Variants in CRYBG2 observed in about 807,000 individuals in gnomAD.
CRYBG2 encodes beta/gamma crystallin domain-containing protein 2.
In CRYBG2, 106 loss-of-function variants were observed where a neutral mutation model predicts 153.4. The observed-to-expected ratio is 0.69, with a 90% confidence interval of 0.59 to 0.81. The LOEUF is 0.81. Ranked by LOEUF, CRYBG2 falls within the 30% of genes least tolerant of loss-of-function variation. The pLI, the probability that CRYBG2 is intolerant of heterozygous loss-of-function variation, is 0.00. For synonymous variants in CRYBG2, 851 were observed against 877.8 expected, an observed-to-expected ratio of 0.97 and a Z score of 0.54; for missense variants, 1,996 against 2,112.0, an observed-to-expected ratio of 0.95 and a Z score of 1.08.
At position 26,336,517 on chromosome 1, in the gene CRYBG2, C is replaced by T; in HGVS notation, c.4038+89G>A. ...GCCCCAAGCGCCCAGGCAGGTCCTCCAGCCCGCTACCTCTGCGTGGGGGCG... is the reference window on the plus strand; with the variant it reads ...GCCCCAAGCGCCCAGGCAGGTCCTCTAGCCCGCTACCTCTGCGTGGGGGCG... On this transcript the variant is annotated intron_variant, in intron 12 of 19. Transcript: ENST00000308182. The surrounding 1 kb of genome is among the most constrained non-coding windows in gnomAD (Gnocchi z 4.9). 6.5e-7 allele frequency: 1 copy of T among 1,544,928 alleles called. No individual in the cohort carries two copies. The highest frequency in any genetic ancestry group is 8.7e-7 in the Non-Finnish European group (1 of 1,144,102).
At chr1:26,334,501 G>A (rs189984347) in intron 14 of CRYBG2, among the ~76,000 whole-genome samples, 9 of 152,070 alleles carry the variant, frequency 5.9e-5, no homozygotes, top group Non-Finnish European at 1.0e-4. Context: ...TTAAATTAAT[G>A]AACCTAATTG....
rs546331332 is a variant in CRYBG2, at chr1:26,336,878, C to G, written c.3874G>C (p.Gly1292Arg). The stretch of plus-strand genomic sequence containing the variant: ...ACGTGGATGGCCTGTGTGCTGGGGC[C>G]GTGTTGCACCAGCTCCACATCCGGC... ...ALPDVELVQH[G>R]PSTQAIHVLS... Residue 1292 changes from glycine to arginine, a missense_variant, in exon 11 of 20, where the codon GGC becomes CGC. Coordinates refer to ENST00000308182, the MANE Select transcript of CRYBG2 (RefSeq NM_001039775.4). The surrounding 1 kb of genome is among the most constrained non-coding windows in gnomAD (Gnocchi z 4.9). The G allele has an allele frequency of 1.8e-5, 29 of 1,608,320 alleles. No individual in the cohort carries two copies. In the East Asian group the frequency reaches 6.3e-4, roughly 35 times the overall value.
rs1466458303 is a variant in CRYBG2 at position 26,336,789 on chromosome 1, C to T, written c.3911+52G>A. On this transcript the variant is annotated intron_variant, in intron 11 of 19. Transcript: ENST00000308182. The surrounding 1 kb of genome is among the most constrained non-coding windows in gnomAD (Gnocchi z 4.9). ...GACGGAGCCTGCACCTCTCCTGGAA[C>T]CGCCCCCGGCTCGCCCGGGCCCGCC... is the stretch of plus-strand genomic sequence containing the variant. 2.6e-6 allele frequency: 4 copies of T among 1,561,112 alleles called. No homozygotes were observed. In the Admixed American group the frequency reaches 7.7e-5, roughly 30 times the overall value.
chr1:26,352,105 C>T (rs1441474598), intron 1 of CRYBG2, among the ~76,000 whole-genome samples: 1 of 152,020 alleles, frequency 6.6e-6, no homozygotes, highest in African/African-American at 2.4e-5. Context: ...CTGGATTCTC[C>T]CCACTTACCT....
rs920673951 is a variant in CRYBG2 at position 26,337,879 on chromosome 1, G to C, written c.3507+133C>G. The C allele has an allele frequency of 3.0e-6, 4 of 1,331,356 alleles. No homozygotes were observed. In the African/African-American group the frequency reaches 4.4e-5, roughly 15 times the overall value. The allele number at this position is 1,331,356 out of a possible 1,614,324, so 82.5% of individuals were successfully genotyped here. ...AAGCCAGTTCCCAGTGAGCCCATCAGGTCCCATCCCCCCAGACCGTGCTTC... is the reference window on the plus strand; with the variant it reads ...AAGCCAGTTCCCAGTGAGCCCATCACGTCCCATCCCCCCAGACCGTGCTTC... On this transcript the variant is annotated intron_variant, in intron 8 of 19. Transcript: ENST00000308182.
At chr1:26,324,397 T>G in intron 17 of CRYBG2, 87 bp from the exon 18 acceptor site, 1 of 1,398,086 alleles carries the variant, frequency 7.2e-7, no homozygotes, top group Non-Finnish European at 9.5e-7. Context: ...CTCTCCAGTA[T>G]CAGGCTCCCA....
At chr1:26,330,804 G>T (rs2073989381) in intron 15 of CRYBG2, among the ~76,000 whole-genome samples, 1 of 152,094 alleles carries the variant, frequency 6.6e-6, no homozygotes, top group Non-Finnish European at 1.5e-5. Flanking sequence ...CTCTCAAAGT[G>T]CTGGGATTAC....
chr1:26,334,751 C>T (rs1472198601), intron 14 of CRYBG2, among the ~76,000 whole-genome samples: 3 of 151,794 alleles, frequency 2.0e-5, no homozygotes, highest in African/African-American at 4.8e-5. Context: ...CATGAAACCC[C>T]ATCTCTACTA....
At chr1:26,324,058 T>C in intron 18 of CRYBG2, 94 bp downstream of exon 18, 1 of 1,374,450 alleles carries the variant, frequency 7.3e-7, no homozygotes, top group Non-Finnish European at 1.0e-6. Context: ...TCTGTGTGCA[T>C]CCCTCTGTGT....
chr1:26,337,561 C>G lies in CRYBG2; in HGVS notation c.3621G>C (p.Gly1207=), dbSNP rs749657734. The G allele has an allele frequency of 1.9e-6, 3 of 1,612,652 alleles. No individual in the cohort carries two copies. The African/African-American group carries it at 4.0e-5, about 22-fold the overall frequency. Residue 1207 remains glycine (G), a synonymous_variant, in exon 9 of 20, where the codon GGG becomes GGC. Coordinates refer to ENST00000308182, the MANE Select transcript of CRYBG2 (RefSeq NM_001039775.4). ...ACCAGCCTCCGAGAACTCTCAGGGA[C>G]CCCACAGAGGCCAGGTGGGGGCTCT... ...DSQSPHLASV[G]SLRVLGGCWV...
At position 26,343,622 on chromosome 1, in the gene CRYBG2, C is replaced by G; in HGVS notation, c.2913+123G>C. ...TGTGGCTTGCACAGGTCAACTGAACCAGACTTCAGACAGAAGCCTCTGCCC... is the reference window on the plus strand; with the variant it reads ...TGTGGCTTGCACAGGTCAACTGAACGAGACTTCAGACAGAAGCCTCTGCCC... On this transcript the variant is annotated intron_variant, in intron 2 of 19. Coordinates refer to ENST00000308182, the MANE Select transcript of CRYBG2 (RefSeq NM_001039775.4). This position sits in a 1 kb window ranked among gnomAD's most constrained non-coding sequence, Gnocchi z 4.1. 1 of 1,270,174 alleles carries G rather than the reference C, an allele frequency of 7.9e-7. No individual in the cohort carries two copies. The highest frequency in any genetic ancestry group is 2.6e-5 in the East Asian group (1 of 39,114). 78.7% of individuals were successfully genotyped at this position (1,270,174 alleles called of 1,614,324 possible). A position where few individuals can be genotyped will look rare whatever the true frequency, so the allele number is the denominator to read the frequency against.
intron 18 of CRYBG2, among the ~76,000 whole-genome samples, chr1:26,323,086 T>C (rs1435159589): frequency 6.3e-5 from 1 of 15,838 alleles, no homozygotes; most frequent in East Asian, 4.2e-4. Context: ...TCTATTCTCC[T>C]TTTTTTTTTT....
chr1:26,339,634 C>T (rs955403554), intron 5 of CRYBG2, among the ~76,000 whole-genome samples: 20 of 151,882 alleles, frequency 1.3e-4, no homozygotes, highest in South Asian at 2.1e-4. Context: ...TACTCGGGAG[C>T]CTGAGGCAGG....
At chr1:26,340,992 C>T (rs1250988940) in intron 5 of CRYBG2, among the ~76,000 whole-genome samples, 1 of 152,034 alleles carries the variant, frequency 6.6e-6, no homozygotes, top group African/African-American at 2.4e-5. Flanking sequence ...CTCATCATCT[C>T]CTACCAGGAA....
rs2074088812 is a variant in CRYBG2 at position 26,338,420 on chromosome 1, T to A, written c.3402A>T (p.Gly1134=). ...CCCAGGCCTCTGAGGTGGGGTACTCTCCAGGTTCCAGGATGTAGGGAGTGT... is the reference window on the plus strand; with the variant it reads ...CCCAGGCCTCTGAGGTGGGGTACTCACCAGGTTCCAGGATGTAGGGAGTGT... The part of the protein sequence containing the change: ...FEDTPYILEP[G]EYPTSEAWGT... The change falls in exon 7 of 20, where the codon GGA becomes GGT. Residue 1134 remains glycine, a synonymous_variant. Coordinates refer to ENST00000308182, the MANE Select transcript of CRYBG2 (RefSeq NM_001039775.4). 6.2e-7 allele frequency: 1 copy of A among 1,613,376 alleles called. No homozygotes were observed. The highest frequency in any genetic ancestry group is 2.2e-5 in the East Asian group (1 of 44,878).
intron 14 of CRYBG2, among the ~76,000 whole-genome samples, chr1:26,333,902 T>G (rs1294904129): frequency 6.6e-6 from 1 of 152,196 alleles, no homozygotes; most frequent in Non-Finnish European, 1.5e-5. Flanking sequence ...TACTGCAGCC[T>G]CCAACTCCTG....
At position 26,336,001 on chromosome 1, in the gene CRYBG2, G is replaced by T. The variant is rs1006472269; in HGVS notation, c.4184+94C>A. On this transcript the variant is annotated intron_variant, in intron 14 of 19. Coordinates refer to ENST00000308182, the MANE Select transcript of CRYBG2 (RefSeq NM_001039775.4). This position sits in a 1 kb window ranked among gnomAD's most constrained non-coding sequence, Gnocchi z 4.9. ...GCAAGACAGAACAGTTCATCGCAAG[G>T]TAGCCAAAGGAAGGAAATCATTTGA... 4 of 1,069,796 alleles carry T rather than the reference G, an allele frequency of 3.7e-6. No homozygotes were observed. In the Admixed American group the frequency reaches 9.0e-5, roughly 24 times the overall value. 66.3% of individuals were successfully genotyped at this position (1,069,796 alleles called of 1,614,324 possible).
At position 26,344,634 on chromosome 1, in the gene CRYBG2, A is replaced by C. The variant is rs945029490; in HGVS notation, c.2024T>G (p.Leu675Arg). 48 of 1,535,278 alleles carry C rather than the reference A, an allele frequency of 3.1e-5. No homozygotes were observed. Among genetic ancestry groups the C allele is most frequent in the Middle Eastern group, 1.7e-4 (1 of 6,004 alleles). Residue 675 changes from leucine to arginine, a missense_variant, in exon 2 of 20, where the codon CTC (leucine) becomes CGC (arginine). Coordinates refer to ENST00000308182, the MANE Select transcript of CRYBG2 (RefSeq NM_001039775.4). Reference sequence around the variant, plus strand: ...CTGGACCCCCTTATCCTGTTTGGGGAGTGAGGTGGCAGGAGCAATTGGGCC... The same window carrying C: ...CTGGACCCCCTTATCCTGTTTGGGGCGTGAGGTGGCAGGAGCAATTGGGCC... ...VQGPIAPATS[L>R]PKQDKGVQDS... is the part of the protein sequence containing the mutation.
chr1:26,350,361 A>G (rs1570219043), intron 1 of CRYBG2, among the ~76,000 whole-genome samples: 1 of 152,268 alleles, frequency 6.6e-6, no homozygotes, highest in East Asian at 1.9e-4. Context: ...AACAACAAAA[A>G]CAGCCATTTG....
Sources: gnomAD v4.1 joint callset for allele counts (sites outside exome capture counted in the v4.1 genomes callset) on GRCh38, gnomAD v4.1.1 for gene constraint, Gnocchi (gnomAD v3.1) non-coding constraint, MANE v1.5 for transcripts, NCBI Gene and HGNC (gene_info 2026-07-23, HGNC 2026-07-21) for gene names.